The following PIK3R6 variants were observed in gnomAD, a reference collection of about 807,000 sequenced individuals.
PIK3R6 encodes the protein phosphoinositide 3-kinase regulatory subunit 6.
Under a neutral mutation model 84.9 loss-of-function variants are expected in PIK3R6, and 91 were observed. That is an observed-to-expected ratio of 1.07 (90% confidence interval 0.90 to 1.28). PIK3R6 has a LOEUF of 1.28. PIK3R6 is among the 50% of genes most tolerant of loss of function. PIK3R6 has a pLI of 0.00. For synonymous variants in PIK3R6, 416 were observed against 411.4 expected (o/e 1.01, Z -0.13); for missense variants, 996 against 985.1 (o/e 1.01, Z -0.15).
intron 18 of PIK3R6, among the ~76,000 whole-genome samples, chr17:8,814,004 C>T (rs79682931): frequency 0.023 from 3,453 of 152,164 alleles, 130 homozygotes; most frequent in African/African-American, 0.076. Flanking sequence ...AGCAGGCTTA[C>T]CCACCCCTCA....
At chr17:8,833,688 C>T (rs936748593) in intron 8 of PIK3R6, among the ~76,000 whole-genome samples, 4 of 151,620 alleles carry the variant, frequency 2.6e-5, no homozygotes, top group South Asian at 2.1e-4. Flanking sequence ...ACTACAGGTG[C>T]GCACCACCAC....
In PIK3R6 at chr17:8,807,993, G is replaced by C. The variant is rs528052561; in HGVS notation, c.1996-3840C>G. The stretch of plus-strand genomic sequence containing the variant: ...AGTCCAAGAAACCCCTTTAGTCCCA[G>C]GCAAACAGGGACAGTTGGCCAACCA... On this transcript the variant is annotated intron_variant, in intron 18 of 19. Coordinates refer to ENST00000619866, the MANE Select transcript of PIK3R6 (RefSeq NM_001010855.4). Among the ~76,000 whole-genome samples the C allele has an allele frequency of 4.6e-5, 7 of 152,194 alleles. No individual in the cohort carries two copies. In the East Asian group the frequency reaches 1.4e-3, roughly 29 times the overall value.
intron 13 of PIK3R6, among the ~76,000 whole-genome samples, chr17:8,825,854 A>C (rs564272569): frequency 1.3e-5 from 2 of 152,382 alleles, no homozygotes; most frequent in African/African-American, 4.8e-5. Context: ...AACTTCTGCA[A>C]GTCAAAAAGT....
chr17:8,851,897 A>T (rs951276960), intron 1 of PIK3R6, among the ~76,000 whole-genome samples: 1 of 152,262 alleles, frequency 6.6e-6, no homozygotes, highest in Non-Finnish European at 1.5e-5. Flanking sequence ...TGAACAGATA[A>T]ACAAAATATG....
intron 1 of PIK3R6, among the ~76,000 whole-genome samples, chr17:8,859,131 C>T (rs918391229): frequency 6.6e-6 from 1 of 152,232 alleles, no homozygotes; most frequent in Non-Finnish European, 1.5e-5. Flanking sequence ...GGACTTGCAA[C>T]TTCTATTTGC....
At chr17:8,829,385 GAC>G (rs200014378) in intron 10 of PIK3R6, among the ~76,000 whole-genome samples, 1,522 of 138,830 alleles carry the variant, frequency 0.011, 35 homozygotes, top group African/African-American at 0.04. Flanking sequence ...TACACACACT[GAC>G]ACACACGCAT....
chr17:8,806,507 C>T (rs146376305), intron 18 of PIK3R6, among the ~76,000 whole-genome samples: 1 of 152,310 alleles, frequency 6.6e-6, no homozygotes, highest in African/African-American at 2.4e-5. Context: ...ACACACTCTA[C>T]CTGCTTGGCT....
At position 8,839,548 on chromosome 17, in the gene PIK3R6, G is replaced by C; in HGVS notation, c.97+66C>G. 2.3e-6 allele frequency: 3 copies of C among 1,325,542 alleles called. No individual in the cohort carries two copies. The highest frequency in any genetic ancestry group is 2.6e-5 in the East Asian group (1 of 38,718). The allele number at this position is 1,325,542 out of a possible 1,614,324, so 82.1% of individuals were successfully genotyped here. A position where few individuals can be genotyped will look rare whatever the true frequency, so the allele number is the denominator to read the frequency against. ...GGCCGGGGCTCTTTCCTGTATGCGC[G>C]TGTATTGTTGGCTGGGGTTGGGTGG... On this transcript the variant is annotated intron_variant, in intron 3 of 19. Transcript: ENST00000619866. The surrounding 1 kb of genome is among the most constrained non-coding windows in gnomAD (Gnocchi z 4.2).
chr17:8,833,236 G>T (rs1442461160), intron 8 of PIK3R6, among the ~76,000 whole-genome samples, 191 bp from the exon 9 acceptor site: 1 of 152,248 alleles, frequency 6.6e-6, no homozygotes, highest in Non-Finnish European at 1.5e-5. Context: ...GCAAGTGGGG[G>T]TTCCCCTCTG....
rs896688347 is a variant in PIK3R6, at chr17:8,838,390, T to C, written c.189+174A>G. On this transcript the variant is annotated intron_variant, in intron 4 of 19. Transcript: ENST00000619866. The stretch of plus-strand genomic sequence containing the variant: ...GTTTATTCAAGTAAAACAATGAGAG[T>C]CGACGTAAAGAAAATACTGCTTACG... The C allele has an allele frequency of 1.4e-5, 8 of 567,768 alleles. No individual in the cohort carries two copies. In the East Asian group the frequency reaches 2.1e-4, roughly 15 times the overall value. The allele number at this position is 567,768 out of a possible 1,614,324, so 35.2% of individuals were successfully genotyped here.
intron 12 of PIK3R6, 46 bp downstream of exon 12, chr17:8,828,066 C>A (rs1349433503): frequency 3.2e-6 from 5 of 1,584,758 alleles, no homozygotes; most frequent in East Asian, 4.5e-5. Context: ...CCCTGCCCAG[C>A]CTGCCCTGTC....
Position 8,839,358 on chromosome 17 carries a change from G to GA in PIK3R6, c.97+255dup, listed in dbSNP as rs60785798. On this transcript the variant is annotated intron_variant, in intron 3 of 19. Transcript: ENST00000619866. This position sits in a 1 kb window ranked among gnomAD's most constrained non-coding sequence, Gnocchi z 4.2. ...GTAGGACTCCATCTCAAAAACAAAA[G>GA]AAAAAAAAAAGGAAAGAAAAAGGGT... Among the ~76,000 whole-genome samples, 13 of 148,030 alleles carry GA rather than the reference G, an allele frequency of 8.8e-5. No homozygotes were observed. Among genetic ancestry groups the GA allele is most frequent in the South Asian group, 2.2e-4 (1 of 4,650 alleles).
chr17:8,823,310 A>G, intron 14 of PIK3R6, 77 bp downstream of exon 14: 1 of 1,119,882 alleles, frequency 8.9e-7, no homozygotes, highest in Non-Finnish European at 1.3e-6. Flanking sequence ...TGGCCTGGTG[A>G]CCAGTGTTTC....
At chr17:8,827,763 G>GGGGAGAGAGAGAGA (rs2087985818) in intron 12 of PIK3R6, among the ~76,000 whole-genome samples, 1 of 34,828 alleles carries the variant, frequency 2.9e-5, no homozygotes, top group African/African-American at 1.1e-4. Flanking sequence ...GAGAGAGAGA[G>GGGGAGAGAGAGAGA]GAGAGAGAGA....
At chr17:8,819,867 T>C (rs1168813281) in intron 17 of PIK3R6, among the ~76,000 whole-genome samples, 1 of 146,916 alleles carries the variant, frequency 6.8e-6, no homozygotes, top group Non-Finnish European at 1.5e-5. Context: ...GACACACATA[T>C]ATATGTATAT....
Position 8,836,630 on chromosome 17 carries a change from C to T in PIK3R6, c.392-14G>A. On this transcript the variant is annotated splice_polypyrimidine_tract_variant and intron_variant, in intron 6 of 19. Coordinates refer to ENST00000619866, the MANE Select transcript of PIK3R6 (RefSeq NM_001010855.4). ...GGTACAGTGTCCCTGCAAACCAGAC[C>T]ACTTTGGCCAAACAGCCCCCAAGTC... 6.2e-7 allele frequency: 1 copy of T among 1,613,936 alleles called. No individual in the cohort carries two copies. The highest frequency in any genetic ancestry group is 8.5e-7 in the Non-Finnish European group (1 of 1,179,888).
chr17:8,847,012 C>A (rs146292017), intron 2 of PIK3R6, among the ~76,000 whole-genome samples: 1 of 152,296 alleles, frequency 6.6e-6, no homozygotes, highest in East Asian at 1.9e-4. Context: ...TGAGAATAAG[C>A]ATGTGTTGTC....
chr17:8,827,961 G>T, intron 12 of PIK3R6, 151 bp downstream of exon 12: 1 of 752,806 alleles, frequency 1.3e-6, no homozygotes. Flanking sequence ...CTCTGAAATA[G>T]AAGACCGCTG....
intron 18 of PIK3R6, among the ~76,000 whole-genome samples, chr17:8,807,818 C>T (rs368620686): frequency 9.2e-5 from 14 of 152,176 alleles, no homozygotes; most frequent in South Asian, 4.2e-4. Context: ...GTTTTAAGTA[C>T]GGAATAACAT....
Sources: gnomAD v4.1 joint callset for allele counts (sites outside exome capture counted in the v4.1 genomes callset) on GRCh38, gnomAD v4.1.1 for gene constraint, Gnocchi (gnomAD v3.1) non-coding constraint, MANE v1.5 for transcripts, NCBI Gene and HGNC (gene_info 2026-07-23, HGNC 2026-07-21) for gene names.